SPON1: variants seen among roughly 807,000 people sequenced by gnomAD.
The protein encoded by SPON1 is spondin-1.
Under a neutral mutation model 111.7 loss-of-function variants are expected in SPON1, and 52 were observed. The ratio of observed to expected loss-of-function variants is 0.47; its 90% CI spans 0.37 to 0.59. SPON1 has a LOEUF of 0.59. Ranked by LOEUF, SPON1 falls within the 20% of genes least tolerant of loss-of-function variation. The pLI is 0.00. For synonymous variants in SPON1, 410 were observed against 395.8 expected (o/e 1.04, Z -0.43); for missense variants, 957 against 1,068.5 (o/e 0.90, Z 1.46).
intron 6 of SPON1, among the ~76,000 whole-genome samples, chr11:14,222,768 A>T (rs1423103547): frequency 6.6e-6 from 1 of 152,224 alleles, no homozygotes; most frequent in East Asian, 1.9e-4. Context: ...AAGAAAAAAA[A>T]TTAAGCCCTG....
At chr11:14,062,197 C>T (rs1848796421) in intron 3 of SPON1, among the ~76,000 whole-genome samples, 1 of 152,152 alleles carries the variant, frequency 6.6e-6, no homozygotes, top group African/African-American at 2.4e-5. Context: ...CAGGCCGGTT[C>T]ACATCATTCA....
chr11:14,221,644 C>T (rs1848682270), intron 6 of SPON1, among the ~76,000 whole-genome samples: 1 of 152,170 alleles, frequency 6.6e-6, no homozygotes, highest in Non-Finnish European at 1.5e-5. Context: ...CCTAATATGT[C>T]CTCCAAATCT....
chr11:14,193,422 A>G (rs1258064189), intron 6 of SPON1, among the ~76,000 whole-genome samples: 1 of 152,166 alleles, frequency 6.6e-6, no homozygotes, highest in Non-Finnish European at 1.5e-5. Flanking sequence ...AACGCCCAGG[A>G]GGAGTTGTGG....
At chr11:14,059,397 C>G (rs1246339645) in intron 3 of SPON1, among the ~76,000 whole-genome samples, 2 of 152,130 alleles carry the variant, frequency 1.3e-5, no homozygotes, top group Non-Finnish European at 2.9e-5. Flanking sequence ...GAAAAAGGCT[C>G]TTTTGCATGT....
intron 3 of SPON1, among the ~76,000 whole-genome samples, chr11:14,051,638 C>T (rs1848708646): frequency 6.6e-6 from 1 of 152,112 alleles, no homozygotes; most frequent in Non-Finnish European, 1.5e-5. Context: ...AGGGCCTTTA[C>T]AGGGCACTGA....
At chr11:14,036,133 G>A (rs1848592780) in intron 2 of SPON1, among the ~76,000 whole-genome samples, 3 of 152,212 alleles carry the variant, frequency 2.0e-5, no homozygotes. Flanking sequence ...TAGCCTCTGT[G>A]TAGGATTTCA....
At chr11:14,109,575 T>A (rs1057482914) in intron 5 of SPON1, among the ~76,000 whole-genome samples, 9 of 152,212 alleles carry the variant, frequency 5.9e-5, no homozygotes, top group African/African-American at 1.9e-4. Context: ...CTAATATTTT[T>A]AAATATTTTT....
intron 5 of SPON1, among the ~76,000 whole-genome samples, chr11:14,090,757 CCA>C (rs1290998058): frequency 2.7e-5 from 4 of 149,340 alleles, no homozygotes; most frequent in African/African-American, 1.0e-4. Context: ...AACAAAGCTT[CCA>C]CAGTGTGGAA....
At chr11:14,057,248 A>G (rs544876232) in intron 3 of SPON1, among the ~76,000 whole-genome samples, 1 of 152,202 alleles carries the variant, frequency 6.6e-6, no homozygotes, top group African/African-American at 2.4e-5. Flanking sequence ...TGAGAAGAAA[A>G]CGACACAGTG....
At chr11:14,242,616 G>C (rs1311498263) in intron 6 of SPON1, among the ~76,000 whole-genome samples, 1 of 152,182 alleles carries the variant, frequency 6.6e-6, no homozygotes, top group African/African-American at 2.4e-5. Flanking sequence ...CCTCAAAGTT[G>C]AGCAAAATCA....
chr11:14,102,664 CCTT>C (rs1173736637), intron 5 of SPON1, among the ~76,000 whole-genome samples: 1 of 152,142 alleles, frequency 6.6e-6, no homozygotes, highest in Non-Finnish European at 1.5e-5. Context: ...GGTTCTTAGT[CCTT>C]CTTGACTTTC....
chr11:14,232,103 A>G (rs1848810318), intron 6 of SPON1, among the ~76,000 whole-genome samples: 1 of 151,924 alleles, frequency 6.6e-6, no homozygotes, highest in Non-Finnish European at 1.5e-5. Context: ...GCCCTTTCAT[A>G]TGCATCAGCA....
chr11:14,232,722 A>G (rs934867299), intron 6 of SPON1, among the ~76,000 whole-genome samples: 54 of 152,306 alleles, frequency 3.5e-4, no homozygotes, highest in African/African-American at 1.3e-3. Flanking sequence ...TCAAAAAATA[A>G]TCACATGTCC....
chr11:14,216,441 A>T (rs1280318776), intron 6 of SPON1, among the ~76,000 whole-genome samples: 1 of 152,186 alleles, frequency 6.6e-6, no homozygotes, highest in African/African-American at 2.4e-5. Context: ...GGTAATGGAA[A>T]TGATCAGTTG....
chr11:14,184,880 C>T (rs1554933940), intron 6 of SPON1, among the ~76,000 whole-genome samples: 1 of 152,158 alleles, frequency 6.6e-6, no homozygotes, highest in African/African-American at 2.4e-5. Context: ...AACTTGTCAC[C>T]CTGTCTTTGA....
intron 5 of SPON1, among the ~76,000 whole-genome samples, chr11:14,108,753 CCTT>C (rs1336057958): frequency 1.3e-5 from 2 of 151,820 alleles, no homozygotes; most frequent in South Asian, 2.1e-4. Flanking sequence ...TATTTGATGA[CCTT>C]TTTTTTTTTT....
At chr11:14,017,452 G>A (rs782318763) in intron 2 of SPON1, among the ~76,000 whole-genome samples, 8 of 152,182 alleles carry the variant, frequency 5.3e-5, no homozygotes, top group Non-Finnish European at 8.8e-5. Context: ...TCGTGTGCCT[G>A]CCTTAGAGAT....
At chr11:14,260,254 T>A (rs1312722384) in intron 13 of SPON1, among the ~76,000 whole-genome samples, 1 of 152,178 alleles carries the variant, frequency 6.6e-6, no homozygotes, top group African/African-American at 2.4e-5. Flanking sequence ...AGTGCCTGAT[T>A]CTTAGTGAGT....
intron 6 of SPON1, among the ~76,000 whole-genome samples, chr11:14,157,000 A>G (rs1554930465): frequency 4.6e-5 from 7 of 152,204 alleles, no homozygotes; most frequent in Non-Finnish European, 1.5e-5. Context: ...TTGGTCGAGG[A>G]CGGAGAGCCA....
Sources: gnomAD v4.1 joint callset for allele counts (sites outside exome capture counted in the v4.1 genomes callset) on GRCh38, gnomAD v4.1.1 for gene constraint, MANE v1.5 for transcripts, NCBI Gene and HGNC (gene_info 2026-07-23, HGNC 2026-07-21) for gene names.